TIAM1: variants seen among roughly 807,000 people sequenced by gnomAD.
The protein encoded by TIAM1 is rho guanine nucleotide exchange factor TIAM1.
TIAM1 carries 65 observed loss-of-function variants against 163.5 expected under a neutral mutation model. The ratio of observed to expected loss-of-function variants is 0.40; its 90% CI spans 0.33 to 0.49. The LOEUF is 0.49. TIAM1 is among the 20% of genes least tolerant of loss of function. The pLI is 0.77. For synonymous variants in TIAM1, 833 were observed against 810.1 expected, an observed-to-expected ratio of 1.03 and a Z score of -0.48; for missense variants, 1,789 against 2,044.7, an observed-to-expected ratio of 0.87 and a Z score of 2.41.
intron 3 of TIAM1, among the ~76,000 whole-genome samples, chr21:31,272,578 T>G (rs1017340772): frequency 6.6e-6 from 1 of 152,126 alleles, no homozygotes; most frequent in Admixed American, 6.5e-5. Flanking sequence ...GATGCAACCA[T>G]TAGAAAAAAC....
rs188585489 is a variant in TIAM1 at position 31,195,047 on chromosome 21, G to A, written c.2575+177C>T. On this transcript the variant is annotated intron_variant, in intron 13 of 27. Transcript: ENST00000541036. The stretch of plus-strand genomic sequence containing the variant: ...GAAATTTAACACCAAAGTCTACATC[G>A]TACCCAGAGTAAATATCCCTGTTAT... Among the ~76,000 whole-genome samples the A allele has an allele frequency of 7.9e-5, 12 of 152,250 alleles. No individual in the cohort carries two copies. In the East Asian group the frequency reaches 1.7e-3, roughly 22 times the overall value.
intron 2 of TIAM1, among the ~76,000 whole-genome samples, chr21:31,283,237 A>G (rs2073648364): frequency 6.6e-6 from 1 of 152,172 alleles, no homozygotes; most frequent in Admixed American, 6.5e-5. Flanking sequence ...CCTTGCAACT[A>G]CACCTTTGAC....
At chr21:31,512,288 G>C (rs546634470) in intron 1 of TIAM1, among the ~76,000 whole-genome samples, 1 of 151,650 alleles carries the variant, frequency 6.6e-6, no homozygotes, top group East Asian at 2.0e-4. Flanking sequence ...TTGTAGAGGT[G>C]GGGCCTCCCC....
At chr21:31,479,464 G>A (rs2046042446) in intron 1 of TIAM1, among the ~76,000 whole-genome samples, 1 of 152,042 alleles carries the variant, frequency 6.6e-6, no homozygotes, top group African/African-American at 2.4e-5. Context: ...TAGATGGATG[G>A]ATGGATGGAT....
intron 1 of TIAM1, among the ~76,000 whole-genome samples, chr21:31,341,468 A>T (rs1485508350): frequency 2.0e-5 from 3 of 152,234 alleles, no homozygotes; most frequent in Admixed American, 6.5e-5. Context: ...TCCAGTCATT[A>T]CAGCAAATTT....
intron 1 of TIAM1, among the ~76,000 whole-genome samples, chr21:31,493,874 G>C (rs1473808144): frequency 6.6e-6 from 1 of 152,014 alleles, no homozygotes; most frequent in Non-Finnish European, 1.5e-5. Flanking sequence ...ACAGATATTT[G>C]TTAAAGTGAG....
At chr21:31,175,756 G>A (rs952159876) in intron 15 of TIAM1, among the ~76,000 whole-genome samples, 2 of 152,038 alleles carry the variant, frequency 1.3e-5, no homozygotes, top group Admixed American at 6.6e-5. Context: ...CCGCCACCAC[G>A]CCCAGCTAAT....
At chr21:31,535,504 A>G (rs1340957493) in intron 1 of TIAM1, among the ~76,000 whole-genome samples, 4 of 152,124 alleles carry the variant, frequency 2.6e-5, no homozygotes, top group Non-Finnish European at 4.4e-5. Flanking sequence ...ATTAATTGAA[A>G]AACATGGACC....
intron 6 of TIAM1, among the ~76,000 whole-genome samples, chr21:31,244,056 A>G (rs968389614): frequency 3.3e-5 from 5 of 152,190 alleles, no homozygotes; most frequent in African/African-American, 1.2e-4. Context: ...TGGTGGTTGC[A>G]TAATTACTTT....
chr21:31,120,260 T>C lies in TIAM1; in HGVS notation c.*108A>G. On this transcript the variant is annotated 3_prime_UTR_variant, in exon 28 of 28. Coordinates refer to ENST00000541036, the MANE Select transcript of TIAM1 (RefSeq NM_001353694.2). This position sits in a 1 kb window ranked among gnomAD's most constrained non-coding sequence, Gnocchi z 4.2. ...AACCAAGTCAGCTGCCAAAACCGTG[T>C]GTGCAAGAGCGCGACCTAAGGGGAC... 2.6e-6 allele frequency: 3 copies of C among 1,154,204 alleles called. No homozygotes were observed. The highest frequency in any genetic ancestry group is 2.4e-6 in the Non-Finnish European group (2 of 834,206). The allele number at this position is 1,154,204 out of a possible 1,614,324, so 71.5% of individuals were successfully genotyped here. A position where few individuals can be genotyped will look rare whatever the true frequency, so the allele number is the denominator to read the frequency against.
intron 1 of TIAM1, among the ~76,000 whole-genome samples, chr21:31,466,987 A>C (rs1019604695): frequency 2.6e-5 from 4 of 151,800 alleles, no homozygotes; most frequent in African/African-American, 9.7e-5. Context: ...AAAAAAAAAA[A>C]CTGAAACTAA....
chr21:31,469,701 G>A lies in TIAM1; in HGVS notation c.-421-5666C>T, dbSNP rs550575217. ...AAAAAAATTAGCCGGGTGTGGTGGC[G>A]GGCGCCTGTAGTCCCAGCTACTCAG... On this transcript the variant is annotated intron_variant, in intron 1 of 28. Transcript: ENST00000286827. Among the ~76,000 whole-genome samples the A allele has an allele frequency of 1.8e-4, 28 of 151,902 alleles. 1 individual carries two copies. The highest frequency in any genetic ancestry group is 8.0e-4 in the East Asian group (4 of 5,016).
chr21:31,390,544 T>C (rs533514363), intron 2 of TIAM1, among the ~76,000 whole-genome samples: 14 of 152,320 alleles, frequency 9.2e-5, no homozygotes, highest in African/African-American at 3.4e-4. Flanking sequence ...ACAGATGTTA[T>C]GAGCAGGAAG....
intron 2 of TIAM1, among the ~76,000 whole-genome samples, chr21:31,317,254 A>G (rs2075156211): frequency 6.6e-6 from 1 of 151,502 alleles, no homozygotes; most frequent in Admixed American, 6.6e-5. Context: ...CAGGAGTTTG[A>G]GACCAGCCTG....
intron 2 of TIAM1, among the ~76,000 whole-genome samples, chr21:31,330,854 C>A (rs2075656487): frequency 6.6e-6 from 1 of 151,892 alleles, no homozygotes; most frequent in Admixed American, 6.6e-5. Context: ...TTAAATTTGG[C>A]AAAGAATTCT....
At chr21:31,351,709 A>T (rs1277458025) in intron 2 of TIAM1, among the ~76,000 whole-genome samples, 1 of 152,150 alleles carries the variant, frequency 6.6e-6, no homozygotes, top group Non-Finnish European at 1.5e-5. Flanking sequence ...TTAAGATAGC[A>T]ACCTGGTCAA....
chr21:31,496,771 C>T (rs2046670772), intron 1 of TIAM1, among the ~76,000 whole-genome samples: 1 of 152,106 alleles, frequency 6.6e-6, no homozygotes, highest in Admixed American at 6.6e-5. Context: ...TGGCAAGCAC[C>T]CTATACGGGT....
At chr21:31,362,374 A>C (rs2076420942) in intron 2 of TIAM1, among the ~76,000 whole-genome samples, 1 of 151,890 alleles carries the variant, frequency 6.6e-6, no homozygotes, top group Admixed American at 6.6e-5. Flanking sequence ...CCAGAGATTC[A>C]AACCAGCCAC....
intron 2 of TIAM1, among the ~76,000 whole-genome samples, chr21:31,359,554 G>A (rs1168578533): frequency 6.6e-6 from 1 of 152,244 alleles, no homozygotes; most frequent in African/African-American, 2.4e-5. Flanking sequence ...CAGCACTTTG[G>A]GAGGCCGAGG....
Sources: allele counts gnomAD v4.1 joint callset (sites outside exome capture counted in the v4.1 genomes callset), GRCh38; gene constraint gnomAD v4.1.1; non-coding constraint Gnocchi (gnomAD v3.1); transcripts MANE v1.5; gene names NCBI Gene and HGNC (gene_info 2026-07-23, HGNC 2026-07-21).